The following VEPH1 variants were observed in gnomAD, a reference collection of about 807,000 sequenced individuals.
VEPH1 encodes the protein ventricular zone expressed PH domain containing 1, also known as ventricular zone-expressed PH domain-containing protein homolog 1.
A neutral mutation model predicts 85.2 loss-of-function variants in VEPH1; 80 were observed. That is an observed-to-expected ratio of 0.94 (90% confidence interval 0.78 to 1.13). VEPH1 has a LOEUF of 1.13. VEPH1 is among the 50% of genes most tolerant of loss of function. The pLI is 0.00. For synonymous variants in VEPH1, 297 were observed against 348.0 expected (o/e 0.85, Z 1.63); for missense variants, 955 against 980.5 (o/e 0.97, Z 0.35).
At chr3:157,288,840 G>A (rs1717118385) in intron 11 of VEPH1, among the ~76,000 whole-genome samples, 1 of 152,196 alleles carries the variant, frequency 6.6e-6, no homozygotes, top group African/African-American at 2.4e-5. Context: ...TATGGCTTGT[G>A]TTCTGGGGTT....
intron 4 of VEPH1, chr3:157,459,795 C>T: frequency 6.7e-7 from 1 of 1,482,110 alleles, no homozygotes; most frequent in Non-Finnish European, 9.0e-7. Flanking sequence ...ACATTTCTTG[C>T]TTTTGGAAGC....
At chr3:157,450,350 C>A (rs1734872107) in intron 4 of VEPH1, among the ~76,000 whole-genome samples, 1 of 151,920 alleles carries the variant, frequency 6.6e-6, no homozygotes, top group Non-Finnish European at 1.5e-5. Flanking sequence ...AGCCACCACA[C>A]CCAGCCAGAA....
rs755212170 is a variant in VEPH1, at chr3:157,413,985, C to A, written c.802G>T (p.Ala268Ser). The stretch of plus-strand genomic sequence containing the variant: ...AGCATTGGAAGAAAACTGTTCAAAG[C>A]CACTGGCTCATAGACTGCTATCTCT... The part of the protein sequence containing the change: ...LIEIAVYEPV[A>S]LNSFLPMLKE... Residue 268 changes from alanine (A) to serine (S), a missense_variant, in exon 6 of 14, where the codon GCT (alanine) becomes TCT (serine). Physicochemically the swap from Ala to Ser is moderately conservative, Grantham distance 99. Coordinates refer to ENST00000362010, the MANE Select transcript of VEPH1 (RefSeq NM_001167912.2). 6.2e-7 allele frequency: 1 copy of A among 1,613,584 alleles called. No individual in the cohort carries two copies. The highest frequency in any genetic ancestry group is 1.1e-5 in the South Asian group (1 of 91,058).
chr3:157,426,360 G>A (rs7626884), intron 5 of VEPH1, among the ~76,000 whole-genome samples: 6 of 151,954 alleles, frequency 3.9e-5, no homozygotes, highest in Admixed American at 6.5e-5. Flanking sequence ...AGCATAGTGC[G>A]AAGAGAGCCC....
chr3:157,368,440 A>T (rs1222129020), intron 7 of VEPH1, among the ~76,000 whole-genome samples: 1 of 152,114 alleles, frequency 6.6e-6, no homozygotes, highest in East Asian at 1.9e-4. Context: ...GAAAAACAGG[A>T]CACTCAGCCA....
At position 157,317,173 on chromosome 3, in the gene VEPH1, C is replaced by G. The variant is rs749218276; in HGVS notation, c.1764G>C (p.Leu588Phe). 1.1e-5 allele frequency: 17 copies of G among 1,611,776 alleles called. No homozygotes were observed. The Admixed American group carries it at 2.7e-4, about 25-fold the overall frequency. ...GACCCTTCAGGGAGCAGGTGAAGAA[C>G]AACTTTGCTACACAACTTCTCACAG... ...EDTVRSCVAK[L>F]FFTCSLKGHY... The change falls in exon 10 of 14, where the codon TTG (leucine) becomes TTC (phenylalanine). Residue 588 changes from leucine (L) to phenylalanine (F), a missense_variant. By Grantham distance (22) the Leu-to-Phe change is conservative. Transcript: ENST00000362010.
chr3:157,307,772 T>G (rs918479569), intron 11 of VEPH1, among the ~76,000 whole-genome samples: 1 of 151,888 alleles, frequency 6.6e-6, no homozygotes, highest in Admixed American at 6.6e-5. Flanking sequence ...AAATTGTAAT[T>G]ACATTTTAAT....
chr3:157,432,279 A>T (rs1001361276), intron 4 of VEPH1, among the ~76,000 whole-genome samples: 1 of 152,178 alleles, frequency 6.6e-6, no homozygotes, highest in Non-Finnish European at 1.5e-5. Context: ...TGAGCTACTG[A>T]ATGAATTTTT....
chr3:157,470,432 G>C lies in VEPH1; in HGVS notation c.236C>G (p.Ala79Gly), dbSNP rs773028195. 4.3e-6 allele frequency: 7 copies of C among 1,614,184 alleles called. No individual in the cohort carries two copies. The South Asian group carries it at 7.7e-5, about 18-fold the overall frequency. ...IRETESIEKH[A>G]KALVGLWDSC... Reference sequence around the variant, plus strand: ...GTCCCAGAGCCCCACAAGGGCCTTTGCATGCTTTTCAATGGACTCGGTCTC... The same window carrying C: ...GTCCCAGAGCCCCACAAGGGCCTTTCCATGCTTTTCAATGGACTCGGTCTC... Residue 79 changes from alanine to glycine, a missense_variant, in exon 3 of 14, where the codon GCA becomes GGA. Transcript: ENST00000362010.
At position 157,495,339 on chromosome 3, in the gene VEPH1, A is replaced by G. The variant is rs1739580748; in HGVS notation, c.11T>C (p.Leu4Pro). 1.2e-6 allele frequency: 2 copies of G among 1,613,850 alleles called. No individual in the cohort carries two copies. The highest frequency in any genetic ancestry group is 1.7e-5 in the Admixed American group (1 of 59,992). The part of the protein sequence containing the change: MHQ[L>P]FRLVLGQKDL... ...TTTTTGTCCCAAAACCAGTCTGAAC[A>G]GTTGATGCATGGTGAGGATGAGTTT... Residue 4 changes from leucine (L) to proline (P), a missense_variant, in exon 2 of 14, where the codon CTG becomes CCG. Transcript: ENST00000362010.
chr3:157,272,441 T>TTTCCA, intron 12 of VEPH1, among the ~76,000 whole-genome samples: 1 of 140,252 alleles, frequency 7.1e-6, no homozygotes, highest in Non-Finnish European at 1.5e-5. Flanking sequence ...CTTTCTTTCC[T>TTTCCA]TCTCTCTCTC....
intron 6 of VEPH1, among the ~76,000 whole-genome samples, chr3:157,389,275 C>G: frequency 6.6e-6 from 1 of 152,044 alleles, no homozygotes; most frequent in East Asian, 1.9e-4. Flanking sequence ...TGGTTAGGAA[C>G]ACTAGAGAGC....
chr3:157,479,204 G>A (rs560578251), intron 2 of VEPH1, among the ~76,000 whole-genome samples: 4 of 152,274 alleles, frequency 2.6e-5, no homozygotes, highest in Middle Eastern at 3.4e-3. Context: ...GTCAGTACCT[G>A]TGCATATTAA....
rs1295850310 is a variant in VEPH1, at chr3:157,458,028, G to C, written c.529+2153C>G. Among the ~76,000 whole-genome samples, 3 of 152,102 alleles carry C rather than the reference G, an allele frequency of 2.0e-5. No individual in the cohort carries two copies. In the East Asian group the frequency reaches 5.8e-4, roughly 29 times the overall value. On this transcript the variant is annotated intron_variant, in intron 4 of 13. Transcript: ENST00000362010. ...TGTGATTGGTAGACTATTTATTACT[G>C]ATTCAATTTCAGAGCTCATTATTGG...
At chr3:157,455,614 CCTCT>C (rs1338588295) in intron 4 of VEPH1, among the ~76,000 whole-genome samples, 12 of 152,004 alleles carry the variant, frequency 7.9e-5, no homozygotes, top group African/African-American at 2.9e-4. Context: ...ATCTTTTGTT[CCTCT>C]CTATGTGTCC....
At chr3:157,366,657 C>T (rs1489611269) in intron 7 of VEPH1, among the ~76,000 whole-genome samples, 1 of 151,998 alleles carries the variant, frequency 6.6e-6, no homozygotes, top group African/African-American at 2.4e-5. Flanking sequence ...ATCAATTGAA[C>T]CTGGGAGGCA....
At chr3:157,331,530 G>A (rs1722504050) in intron 9 of VEPH1, among the ~76,000 whole-genome samples, 1 of 152,198 alleles carries the variant, frequency 6.6e-6, no homozygotes, top group Non-Finnish European at 1.5e-5. Flanking sequence ...GAAAGACAGG[G>A]AGAGCGGGAT....
chr3:157,375,755 C>T (rs1172184488), intron 7 of VEPH1, among the ~76,000 whole-genome samples: 1 of 152,166 alleles, frequency 6.6e-6, no homozygotes, highest in South Asian at 2.1e-4. Flanking sequence ...CCTATTCAGT[C>T]AGTTTTGACT....
chr3:157,360,878 A>T (rs1471305089), intron 9 of VEPH1, among the ~76,000 whole-genome samples: 2 of 152,230 alleles, frequency 1.3e-5, no homozygotes, highest in African/African-American at 4.8e-5. Flanking sequence ...CAAGGCAATA[A>T]GAAATATCAT....
Sources: allele counts gnomAD v4.1 joint callset (sites outside exome capture counted in the v4.1 genomes callset), GRCh38; gene constraint gnomAD v4.1.1; transcripts MANE v1.5; gene names NCBI Gene and HGNC (gene_info 2026-07-23, HGNC 2026-07-21).